ROBO2: variants seen among roughly 807,000 people sequenced by gnomAD.
ROBO2 encodes roundabout guidance receptor 2.
Under a neutral mutation model 160.8 loss-of-function variants are expected in ROBO2, and 53 were observed. The observed-to-expected ratio is 0.33, with a 90% confidence interval of 0.26 to 0.41. The LOEUF is 0.41. ROBO2 is among the 10% of genes least tolerant of loss of function. The pLI, the probability that ROBO2 is intolerant of heterozygous loss-of-function variation, is 1.00. For missense variants in ROBO2, 1,577 were observed against 1,722.4 expected (o/e 0.92, Z 1.49); for synonymous variants, 664 against 611.7 (o/e 1.09, Z -1.26).
intron 2 of ROBO2, among the ~76,000 whole-genome samples, chr3:76,325,168 A>C (rs546097642): frequency 6.6e-6 from 1 of 152,366 alleles, no homozygotes; most frequent in East Asian, 1.9e-4. Context: ...AAATATTTTT[A>C]AATGCAACAT....
chr3:77,262,582 A>G (rs2153338347), intron 2 of ROBO2, among the ~76,000 whole-genome samples: 1 of 152,238 alleles, frequency 6.6e-6, no homozygotes, highest in South Asian at 2.1e-4. Flanking sequence ...CCCAGCTTCA[A>G]GTTGAACCTG....
At chr3:75,944,458 T>TA (rs1251402011) in intron 2 of ROBO2, among the ~76,000 whole-genome samples, 1 of 152,084 alleles carries the variant, frequency 6.6e-6, no homozygotes, top group African/African-American at 2.4e-5. Flanking sequence ...ACATTTCTTT[T>TA]AAAAAACTCA....
chr3:76,014,947 A>G (rs2066363080), intron 2 of ROBO2, among the ~76,000 whole-genome samples: 1 of 151,922 alleles, frequency 6.6e-6, no homozygotes, highest in South Asian at 2.1e-4. Context: ...ATAAATAAAG[A>G]CATACATACA....
chr3:77,261,685 T>C (rs1276057874), intron 2 of ROBO2, among the ~76,000 whole-genome samples: 4 of 151,918 alleles, frequency 2.6e-5, no homozygotes, highest in African/African-American at 9.7e-5. Flanking sequence ...TTTTTTCAAA[T>C]GGGTTCATTA....
chr3:77,366,423 A>G (rs1296924182), intron 2 of ROBO2, among the ~76,000 whole-genome samples: 2 of 151,998 alleles, frequency 1.3e-5, no homozygotes, highest in Non-Finnish European at 2.9e-5. Context: ...GCCATCAGCC[A>G]TATGAGGACT....
intron 2 of ROBO2, among the ~76,000 whole-genome samples, chr3:76,592,370 C>T (rs1159391384): frequency 6.6e-6 from 1 of 152,052 alleles, no homozygotes; most frequent in Non-Finnish European, 1.5e-5. Context: ...CTCTTGCTAA[C>T]AAACTAACCT....
chr3:77,334,817 A>G (rs1395315426), intron 2 of ROBO2, among the ~76,000 whole-genome samples: 2 of 152,176 alleles, frequency 1.3e-5, no homozygotes, highest in Non-Finnish European at 2.9e-5. Context: ...ATTGAGATTT[A>G]CTTGTGGACC....
chr3:77,126,162 G>C (rs906188515), intron 2 of ROBO2, among the ~76,000 whole-genome samples: 1 of 152,214 alleles, frequency 6.6e-6, no homozygotes, highest in Non-Finnish European at 1.5e-5. Flanking sequence ...GTGACAGACA[G>C]ATGCAGAGTA....
chr3:76,254,939 T>C lies in ROBO2; in HGVS notation c.109+317337T>C, dbSNP rs113133253. On this transcript the variant is annotated intron_variant, in intron 2 of 26. Transcript: ENST00000487694. ...TCTTAAAACTATGCCTGTGAATCTATAATTATCTCAATAAACATTTCAATT... is the reference window on the plus strand; with the variant it reads ...TCTTAAAACTATGCCTGTGAATCTACAATTATCTCAATAAACATTTCAATT... Among the ~76,000 whole-genome samples, 49 of 152,224 alleles carry C rather than the reference T, an allele frequency of 3.2e-4. 1 individual carries two copies. The highest frequency in any genetic ancestry group is 8.9e-4 in the African/African-American group (37 of 41,570).
At chr3:77,024,864 A>T (rs2062862506) in intron 2 of ROBO2, among the ~76,000 whole-genome samples, 1 of 152,200 alleles carries the variant, frequency 6.6e-6, no homozygotes, top group Admixed American at 6.5e-5. Context: ...GGGAAAAGAC[A>T]CGTTTTGGAG....
chr3:76,099,975 T>C (rs2069615100), intron 2 of ROBO2, among the ~76,000 whole-genome samples: 1 of 152,188 alleles, frequency 6.6e-6, no homozygotes, highest in Non-Finnish European at 1.5e-5. Context: ...AGATAATGAT[T>C]CTTATTTTGT....
chr3:76,871,189 C>T (rs2072012179), intron 2 of ROBO2, among the ~76,000 whole-genome samples: 1 of 152,146 alleles, frequency 6.6e-6, no homozygotes, highest in African/African-American at 2.4e-5. Context: ...CTTAAATAAC[C>T]GTATACTTTA....
intron 2 of ROBO2, among the ~76,000 whole-genome samples, chr3:76,053,541 A>C (rs901301230): frequency 4.6e-5 from 7 of 152,102 alleles, no homozygotes; most frequent in Admixed American, 2.0e-4. Flanking sequence ...CTACATGAAA[A>C]CATTTCTTTA....
intron 2 of ROBO2, among the ~76,000 whole-genome samples, chr3:77,472,155 T>C (rs7614439): frequency 0.35 from 53,751 of 152,018 alleles, 9,682 homozygotes; most frequent in East Asian, 0.47. Context: ...CAATCTTTTA[T>C]AAACTGATCT....
At chr3:76,215,216 A>T (rs532817664) in intron 2 of ROBO2, among the ~76,000 whole-genome samples, 29 of 152,254 alleles carry the variant, frequency 1.9e-4, no homozygotes, top group African/African-American at 5.8e-4. Flanking sequence ...TGGGGAAAAA[A>T]CAGAGCAGAA....
At chr3:76,572,410 T>C (rs1051974410) in intron 2 of ROBO2, among the ~76,000 whole-genome samples, 11 of 152,190 alleles carry the variant, frequency 7.2e-5, no homozygotes, top group African/African-American at 2.6e-4. Flanking sequence ...TTTAATGAAA[T>C]CATGGGGTTG....
chr3:76,942,523 A>G (rs566063952), intron 2 of ROBO2, among the ~76,000 whole-genome samples: 1 of 152,266 alleles, frequency 6.6e-6, no homozygotes, highest in East Asian at 1.9e-4. Flanking sequence ...TCACTTATCA[A>G]CATGCTGATG....
At chr3:76,954,787 T>C (rs535326687) in intron 2 of ROBO2, among the ~76,000 whole-genome samples, 3 of 152,326 alleles carry the variant, frequency 2.0e-5, no homozygotes, top group African/African-American at 4.8e-5. Flanking sequence ...ATCATCATGA[T>C]GAACAAAATC....
chr3:76,466,314 T>C (rs2078359333), intron 2 of ROBO2, among the ~76,000 whole-genome samples: 1 of 151,924 alleles, frequency 6.6e-6, no homozygotes, highest in Non-Finnish European at 1.5e-5. Context: ...TGTTTTCTTT[T>C]ATACATTAAA....
Sources: gnomAD v4.1 joint callset for allele counts (sites outside exome capture counted in the v4.1 genomes callset) on GRCh38, gnomAD v4.1.1 for gene constraint, MANE v1.5 for transcripts, NCBI Gene and HGNC (gene_info 2026-07-23, HGNC 2026-07-21) for gene names.